The following YIF1B variants were observed in gnomAD, a reference collection of about 807,000 sequenced individuals.
The protein encoded by YIF1B is Yip1 interacting factor homolog B, membrane trafficking protein.
YIF1B carries 24 observed loss-of-function variants against 34.6 expected under a neutral mutation model. The ratio of observed to expected loss-of-function variants is 0.69; its 90% confidence interval spans 0.50 to 0.98. The LOEUF (loss-of-function observed/expected upper bound fraction) is 0.98, where lower values mean the gene tolerates loss of function less well. Among genes scored for constraint, YIF1B ranks in the 50% least tolerant of loss-of-function variants. YIF1B has a pLI of 0.00. For synonymous variants in YIF1B, 186 were observed against 184.8 expected (o/e 1.01, Z -0.05); for missense variants, 368 against 429.4 (o/e 0.86, Z 1.26).
At chr19:38,320,495 G>A (rs964756461), upstream of YIF1B, among the ~76,000 whole-genome samples, 3 of 151,624 alleles carry the variant, frequency 2.0e-5, no homozygotes, top group African/African-American at 7.3e-5. Context: ...GAAACACCCA[G>A]CTCCCCTCAG....
intron 3 of YIF1B, 55 bp downstream of exon 3, chr19:38,309,169 C>G (rs1270021869): frequency 5.0e-6 from 8 of 1,599,966 alleles, no homozygotes; most frequent in Non-Finnish European, 6.0e-6. Flanking sequence ...CCTGCCCCCA[C>G]CCCTGAGCCC....
At chr19:38,307,010 G>A in intron 7 of YIF1B, 1 of 476,548 alleles carries the variant, frequency 2.1e-6, no homozygotes, top group Non-Finnish European at 4.3e-6. Flanking sequence ...AAGAAAGGAA[G>A]TGATTTGCCC....
rs1190327446 is a variant in YIF1B, at chr19:38,307,281, C to A, written c.789+147G>T. 11 of 813,486 alleles carry A rather than the reference C, an allele frequency of 1.4e-5. No individual in the cohort carries two copies. In the South Asian group the frequency reaches 1.4e-4, roughly 10 times the overall value. The allele number at this position is 813,486 out of a possible 1,614,324, so 50.4% of individuals were successfully genotyped here. A position where few individuals can be genotyped will look rare whatever the true frequency, so the allele number is the denominator to read the frequency against. On this transcript the variant is annotated intron_variant, in intron 7 of 7. Transcript: ENST00000339413. ...CCCCTCTTCCAGGAAGCCCTCCTGACCCCCCAGGCCGGGCAGCCACTCCAG... is the reference window on the plus strand; with the variant it reads ...CCCCTCTTCCAGGAAGCCCTCCTGAACCCCCAGGCCGGGCAGCCACTCCAG...
intron 1 of YIF1B, among the ~76,000 whole-genome samples, chr19:38,313,724 C>A (rs948666317): frequency 6.6e-6 from 1 of 152,272 alleles, no homozygotes; most frequent in African/African-American, 2.4e-5. Flanking sequence ...CACCAGCCAG[C>A]CACATGGCCT....
rs778482639 is a variant in YIF1B at position 38,309,584 on chromosome 19, C to T, written c.118G>A (p.Asp40Asn). Residue 40 changes from aspartate to asparagine, a missense_variant, in exon 2 of 8, where the codon GAT (aspartate) becomes AAT (asparagine). By Grantham distance (23) the Asp-to-Asn change is conservative (BLOSUM62 1). Around this residue, in one of 3 missense-constraint regions of YIF1B, gnomAD observed 153 missense variants for 156.7 expected, o/e 0.98. Transcript: ENST00000339413. ...CGGCTCTGGGCTGAACTTGTGTCAT[C>T]GAAAAGCTGGTGGGGGTCGGCCATG... ...PGMADPHQLF[D>N]DTSSAQSRGY... 5.6e-6 allele frequency: 9 copies of T among 1,598,172 alleles called. No individual in the cohort carries two copies. Among genetic ancestry groups the T allele is most frequent in the Admixed American group, 1.8e-5 (1 of 56,558 alleles).
Position 38,307,525 on chromosome 19 carries a change from G to T in YIF1B, c.696-4C>A. The stretch of plus-strand genomic sequence containing the variant: ...CATGAGGACCCCGCCAATCATCCTG[G>T]GGGAGGGAGAGGAGGCTGTGTGAGG... On this transcript the variant is annotated splice_region_variant and splice_polypyrimidine_tract_variant and intron_variant, in intron 6 of 7. Coordinates refer to ENST00000339413, the MANE Select transcript of YIF1B (RefSeq NM_001039672.3). 6.2e-7 allele frequency: 1 copy of T among 1,613,912 alleles called. No individual in the cohort carries two copies. The highest frequency in any genetic ancestry group is 8.5e-7 in the Non-Finnish European group (1 of 1,180,030).
chr19:38,315,390 G>A (rs1969504325), intron 1 of YIF1B: 1 of 1,188,112 alleles, frequency 8.4e-7, no homozygotes, highest in Middle Eastern at 3.4e-4. Flanking sequence ...GACAAGTTAG[G>A]TTGAATGAAT....
Position 38,306,684 on chromosome 19 carries a change from A to T in YIF1B, c.789+744T>A, listed in dbSNP as rs540455336. On this transcript the variant is annotated intron_variant, in intron 7 of 7. Transcript: ENST00000339413. Reference sequence around the variant, plus strand: ...AAAGGGGAAACTGAGTTTATTTTTTATTTTTATTTTTTTTTGAGACGGAGT... The same window carrying T: ...AAAGGGGAAACTGAGTTTATTTTTTTTTTTTATTTTTTTTTGAGACGGAGT... The T allele has an allele frequency of 2.9e-3, 690 of 238,822 alleles. 5 individuals are homozygous for T. The highest frequency in any genetic ancestry group is 0.016 in the African/African-American group (656 of 42,080). The allele number at this position is 238,822 out of a possible 1,614,324, so 14.8% of individuals were successfully genotyped here.
At chr19:38,318,872 A>G (rs1416171707), upstream of YIF1B, among the ~76,000 whole-genome samples, 2 of 152,154 alleles carry the variant, frequency 1.3e-5, no homozygotes, top group African/African-American at 2.4e-5. Flanking sequence ...GGAGAGACTT[A>G]CGGGGGGGCG....
At chr19:38,314,855 C>T (rs1969480063) in intron 1 of YIF1B, among the ~76,000 whole-genome samples, 1 of 151,994 alleles carries the variant, frequency 6.6e-6, no homozygotes, top group African/African-American at 2.4e-5. Flanking sequence ...CCAAGTGATT[C>T]GCCCACCTCG....
chr19:38,309,544 T>C lies in YIF1B; in HGVS notation c.158A>G (p.Gln53Arg). Residue 53 changes from glutamine (Q) to arginine (R), a missense_variant, in exon 2 of 8, where the codon CAG (glutamine) becomes CGG (arginine). By Grantham distance (43) the Gln-to-Arg change is conservative. This residue lies in a region of YIF1B where 153 missense variants were observed against 156.7 expected (regional missense o/e 0.98). Coordinates refer to ENST00000339413, the MANE Select transcript of YIF1B (RefSeq NM_001039672.3). ...SSAQSRGYGAQRAPGGLSYPA... is the reference protein window; with the variant it reads ...SSAQSRGYGARRAPGGLSYPA... Reference sequence around the variant, plus strand: ...ATAACTCAGGCCACCAGGTGCCCGCTGGGCCCCATAGCCCCGGCTCTGGGC... The same window carrying C: ...ATAACTCAGGCCACCAGGTGCCCGCCGGGCCCCATAGCCCCGGCTCTGGGC... 2 of 1,604,712 alleles carry C rather than the reference T, an allele frequency of 1.2e-6. No homozygotes were observed. The highest frequency in any genetic ancestry group is 2.2e-5 in the East Asian group (1 of 44,550).
chr19:38,307,631 CGAT>C lies in YIF1B; in HGVS notation c.658_660del (p.Ile220del), dbSNP rs1568354243. 6.2e-7 allele frequency: 1 copy of C among 1,613,794 alleles called. No individual in the cohort carries two copies. The highest frequency in any genetic ancestry group is 8.5e-7 in the Non-Finnish European group (1 of 1,179,996). On this transcript the variant is annotated inframe_deletion, in exon 6 of 8. Coordinates refer to ENST00000339413, the MANE Select transcript of YIF1B (RefSeq NM_001039672.3). Reference sequence around the variant, plus strand: ...TTGTAGCCCAAGAAGGCCACCAGGTCGATGGTGGTGAGGTCGGTGTTGACAGTG... The same window carrying C: ...TTGTAGCCCAAGAAGGCCACCAGGTCGGTGGTGAGGTCGGTGTTGACAGTG...
At chr19:38,314,561 T>C (rs955670608) in intron 1 of YIF1B, among the ~76,000 whole-genome samples, 1 of 151,170 alleles carries the variant, frequency 6.6e-6, no homozygotes, top group Non-Finnish European at 1.5e-5. Context: ...CTGGGCACCG[T>C]GACTCATGCC....
At chr19:38,315,473 C>G in intron 1 of YIF1B, 1 of 1,388,154 alleles carries the variant, frequency 7.2e-7, no homozygotes. Context: ...TACAGGTTCG[C>G]TTCTTAAATG....
At chr19:38,320,265 C>T (rs1188916985), upstream of YIF1B, 1 of 1,606,096 alleles carries the variant, frequency 6.2e-7, no homozygotes, top group Admixed American at 1.7e-5. Flanking sequence ...CGCTGATCAC[C>T]ACCGTGGGTA....
Position 38,307,321 on chromosome 19 carries a change from G to C in YIF1B, c.789+107C>G, listed in dbSNP as rs529408503. The C allele has an allele frequency of 1.6e-5, 20 of 1,277,170 alleles. No homozygotes were observed. In the African/African-American group the frequency reaches 2.5e-4, roughly 16 times the overall value. 79.1% of individuals were successfully genotyped at this position (1,277,170 alleles called of 1,614,324 possible). On this transcript the variant is annotated intron_variant, in intron 7 of 7. Transcript: ENST00000339413. ...AGCCACTCCAGGGCTCCTCAGTTCA[G>C]CAATGTGTCTCTGGTCTGAACCCCA...
At chr19:38,307,338 T>C in intron 7 of YIF1B, 90 bp downstream of exon 7, 2 of 1,428,386 alleles carry the variant, frequency 1.4e-6, no homozygotes, top group Non-Finnish European at 1.9e-6. Context: ...GTCTCTGGTC[T>C]GAACCCCACA....
At chr19:38,311,716 G>T (rs1312653729) in intron 1 of YIF1B, among the ~76,000 whole-genome samples, 5 of 152,180 alleles carry the variant, frequency 3.3e-5, no homozygotes, top group East Asian at 1.9e-4. Flanking sequence ...AGGACTGGGG[G>T]TGTAAAAGAG....
At chr19:38,306,204 CA>C (rs1174694534) in intron 7 of YIF1B, among the ~76,000 whole-genome samples, 722 of 28,688 alleles carry the variant, frequency 0.025, 4 homozygotes, top group African/African-American at 0.077. Flanking sequence ...CTCTGTCTCA[CA>C]AAAAAAAAAA....
Sources: allele counts gnomAD v4.1 joint callset (sites outside exome capture counted in the v4.1 genomes callset), GRCh38; gene constraint gnomAD v4.1.1; regional missense constraint gnomAD v4.1.1; transcripts MANE v1.5; gene names NCBI Gene and HGNC (gene_info 2026-07-23, HGNC 2026-07-21).